SLC9A4: variants seen among roughly 807,000 people sequenced by gnomAD.
The protein encoded by SLC9A4 is solute carrier family 9 member A4.
SLC9A4 carries 63 observed loss-of-function variants against 67.4 expected under a neutral mutation model. That is an observed-to-expected ratio of 0.93 (90% CI 0.76 to 1.15). The LOEUF (loss-of-function observed/expected upper bound fraction) is 1.15, where lower values mean the gene tolerates loss of function less well. Ranked by LOEUF, SLC9A4 falls within the 50% of genes most tolerant of loss-of-function variation. The probability of loss-of-function intolerance (pLI) is 0.00; values close to 1 mark genes in which losing one functional copy is unlikely to be tolerated. For missense variants in SLC9A4, 1,089 were observed against 987.7 expected (o/e 1.10, Z -1.38); for synonymous variants, 393 against 367.2 (o/e 1.07, Z -0.80).
chr2:102,510,876 A>G (rs73944375), intron 6 of SLC9A4, among the ~76,000 whole-genome samples: 1,766 of 152,346 alleles, frequency 0.012, 38 homozygotes, highest in African/African-American at 0.039. Flanking sequence ...GTTCAGCACA[A>G]CATTGAAGGG....
chr2:102,519,219 G>C (rs539990145), intron 8 of SLC9A4, among the ~76,000 whole-genome samples: 1 of 152,164 alleles, frequency 6.6e-6, no homozygotes, highest in African/African-American at 2.4e-5. Context: ...GGCTTTCATG[G>C]TATAAATGGT....
At position 102,508,161 on chromosome 2, in the gene SLC9A4, T is replaced by C. The variant is rs1685087755; in HGVS notation, c.1281T>C (p.Ser427=). The change falls in exon 5 of 12, where the codon AGT becomes AGC. Residue 427 remains serine (S), a synonymous_variant. Transcript: ENST00000295269. ...SIKDQCIIFY[S]GVRGAGSFSL... Reference sequence around the variant, plus strand: ...AGGACCAGTGCATCATTTTCTACAGTGGTGTTCGAGGAGCTGGAAGTTTTT... The same window carrying C: ...AGGACCAGTGCATCATTTTCTACAGCGGTGTTCGAGGAGCTGGAAGTTTTT... 6.2e-7 allele frequency: 1 copy of C among 1,614,186 alleles called. No individual in the cohort carries two copies. Among genetic ancestry groups the C allele is most frequent in the East Asian group, 2.2e-5 (1 of 44,886 alleles).
In SLC9A4 at chr2:102,505,334, T is replaced by C; in HGVS notation, c.1061T>C (p.Phe354Ser). 1 of 1,614,220 alleles carries C rather than the reference T, an allele frequency of 6.2e-7. No homozygotes were observed. The highest frequency in any genetic ancestry group is 1.7e-5 in the Admixed American group (1 of 60,022). Residue 354 changes from phenylalanine to serine, a missense_variant, in exon 4 of 12, where the codon TTC becomes TCC. By Grantham distance (155) the Phe-to-Ser change is radical. Transcript: ENST00000295269. Reference protein sequence around the residue: ...SQTSYTTIKYFMKMLSSVSET... With the variant: ...SQTSYTTIKYSMKMLSSVSET... ...ACATCATACACGACCATCAAGTACTTCATGAAGATGCTGAGCAGCGTCAGC... is the reference window on the plus strand; with the variant it reads ...ACATCATACACGACCATCAAGTACTCCATGAAGATGCTGAGCAGCGTCAGC...
At chr2:102,523,593 TG>T (rs1282913426) in intron 9 of SLC9A4, among the ~76,000 whole-genome samples, 2 of 152,216 alleles carry the variant, frequency 1.3e-5, no homozygotes, top group Non-Finnish European at 2.9e-5. Context: ...TCTCACCCTG[TG>T]GGGCATCTTG....
intron 9 of SLC9A4, among the ~76,000 whole-genome samples, chr2:102,522,302 A>T (rs6750851): frequency 3.9e-5 from 6 of 151,902 alleles, no homozygotes; most frequent in African/African-American, 1.5e-4. Context: ...TCTAGAATGC[A>T]CCGGGCATCA....
chr2:102,473,393 A>G lies in SLC9A4; in HGVS notation c.-367A>G, dbSNP rs185817201. ...ATCCTTTTAAATTTTCACCCACAAG[A>G]CAAAGCCAGTATGCAGTGAAATGAG... is the stretch of plus-strand genomic sequence containing the variant. On this transcript the variant is annotated 5_prime_UTR_variant, in exon 1 of 12. Transcript: ENST00000295269. 2.1e-4 allele frequency: 48 copies of G among 233,770 alleles called. No individual in the cohort carries two copies. The highest frequency in any genetic ancestry group is 3.2e-4 in the Non-Finnish European group (38 of 118,048). The allele number at this position is 233,770 out of a possible 1,614,324, so 14.5% of individuals were successfully genotyped here.
intron 11 of SLC9A4, among the ~76,000 whole-genome samples, chr2:102,531,516 G>A (rs1311772703): frequency 6.6e-6 from 1 of 152,120 alleles, no homozygotes; most frequent in Non-Finnish European, 1.5e-5. Context: ...AGACCTGATG[G>A]TAAGAAGTGG....
At position 102,532,964 on chromosome 2, in the gene SLC9A4, C is replaced by T. The variant is rs532433725; in HGVS notation, c.*276C>T. On this transcript the variant is annotated 3_prime_UTR_variant, in exon 12 of 12. Transcript: ENST00000295269. ...ATTAGTCACTAAGAATTCCTAAGAA[C>T]TTTCTATCAAAAGCATTGGATCCAA... 100 of 307,976 alleles carry T rather than the reference C, an allele frequency of 3.2e-4. 2 individuals are homozygous for T. Among genetic ancestry groups the T allele is most frequent in the Middle Eastern group, 3.0e-3 (3 of 996 alleles). The allele number at this position is 307,976 out of a possible 1,614,324, so 19.1% of individuals were successfully genotyped here. A position where few individuals can be genotyped will look rare whatever the true frequency, so the allele number is the denominator to read the frequency against.
At chr2:102,529,862 C>G (rs781115167) in intron 11 of SLC9A4, among the ~76,000 whole-genome samples, 1 of 152,162 alleles carries the variant, frequency 6.6e-6, no homozygotes, top group South Asian at 2.1e-4. Context: ...ACTTCACATG[C>G]TTTTCCAGGG....
Position 102,525,108 on chromosome 2 carries a change from T to A in SLC9A4, c.1903T>A (p.Leu635Ile). The A allele has an allele frequency of 2.5e-6, 4 of 1,614,036 alleles. No homozygotes were observed. The highest frequency in any genetic ancestry group is 3.4e-6 in the Non-Finnish European group (4 of 1,179,986). ...KEILIRRQNT[L>I]RESMRKGHSL... ...GATTCTGATCCGCCGCCAGAACACC[T>A]TAAGGGAGAGCATGAGGAAAGGTCA... Residue 635 changes from leucine (L) to isoleucine (I), a missense_variant, in exon 10 of 12, where the codon TTA becomes ATA. Transcript: ENST00000295269.
intron 8 of SLC9A4, among the ~76,000 whole-genome samples, chr2:102,518,937 T>C (rs1558671426): frequency 6.6e-6 from 1 of 152,020 alleles, no homozygotes; most frequent in Admixed American, 6.6e-5. Flanking sequence ...AAAAAGGGAG[T>C]TAATTATTTT....
intron 8 of SLC9A4, among the ~76,000 whole-genome samples, chr2:102,515,432 A>G: frequency 6.7e-6 from 1 of 148,748 alleles, no homozygotes; most frequent in East Asian, 2.0e-4. Flanking sequence ...TCTCAGTATA[A>G]TACAAAGCTT....
In SLC9A4 at chr2:102,473,984, C is replaced by T; in HGVS notation, c.225C>T (p.Leu75=). Residue 75 remains leucine (L), a synonymous_variant, in exon 1 of 12, where the codon CTC becomes CTT. Transcript: ENST00000295269. ...TGCAAATTCCTTATGAGGTCACTCT[C>T]TGGATACTTCTAGCATCCCTTGCAA... ...DYVQIPYEVT[L]WILLASLAKI... 6.2e-7 allele frequency: 1 copy of T among 1,613,996 alleles called. No individual in the cohort carries two copies. Among genetic ancestry groups the T allele is most frequent in the East Asian group, 2.2e-5 (1 of 44,882 alleles).
intron 7 of SLC9A4, among the ~76,000 whole-genome samples, 199 bp downstream of exon 7, chr2:102,512,472 A>T (rs6752045): frequency 0.013 from 1,969 of 152,288 alleles, 48 homozygotes; most frequent in African/African-American, 0.044. Context: ...GACGCAGTTG[A>T]CTTGGTGTAG....
In SLC9A4 at chr2:102,532,617, A is replaced by T; in HGVS notation, c.2326A>T (p.Arg776Trp). Residue 776 changes from arginine (R) to tryptophan (W), a missense_variant, in exon 12 of 12, where the codon AGG becomes TGG. Coordinates refer to ENST00000295269, the MANE Select transcript of SLC9A4 (RefSeq NM_001011552.4). ...GKASLVEVRS[R>W]WTADHGHGRD... Reference sequence around the variant, plus strand: ...GGCCTCTTTGGTTGAGGTTCGGTCGAGGTGGACAGCTGACCATGGACACGG... The same window carrying T: ...GGCCTCTTTGGTTGAGGTTCGGTCGTGGTGGACAGCTGACCATGGACACGG... 6.2e-7 allele frequency: 1 copy of T among 1,614,058 alleles called. No homozygotes were observed. Among genetic ancestry groups the T allele is most frequent in the Non-Finnish European group, 8.5e-7 (1 of 1,179,990 alleles).
At chr2:102,480,698 C>T (rs964293306) in intron 2 of SLC9A4, among the ~76,000 whole-genome samples, 3 of 152,148 alleles carry the variant, frequency 2.0e-5, no homozygotes, top group Non-Finnish European at 4.4e-5. Flanking sequence ...GTACATTTAA[C>T]AATTTAAAAT....
At chr2:102,498,278 T>G (rs1160513178) in intron 2 of SLC9A4, among the ~76,000 whole-genome samples, 1 of 152,246 alleles carries the variant, frequency 6.6e-6, no homozygotes, top group Non-Finnish European at 1.5e-5. Context: ...TGATTGTAAA[T>G]GCAGTCTTCT....
intron 2 of SLC9A4, among the ~76,000 whole-genome samples, chr2:102,481,988 C>T (rs921138375): frequency 1.2e-4 from 19 of 152,036 alleles, no homozygotes; most frequent in African/African-American, 3.6e-4. Flanking sequence ...ATTTCCTAAG[C>T]GAAGGAGGCC....
intron 7 of SLC9A4, 37 bp from the exon 8 acceptor site, chr2:102,514,053 C>T (rs766853899): frequency 2.5e-6 from 4 of 1,601,408 alleles, no homozygotes; most frequent in South Asian, 1.1e-5. Flanking sequence ...CACATACAGA[C>T]GTTCAAGATT....
Sources: allele counts gnomAD v4.1 joint callset (sites outside exome capture counted in the v4.1 genomes callset), GRCh38; gene constraint gnomAD v4.1.1; transcripts MANE v1.5; gene names NCBI Gene and HGNC (gene_info 2026-07-23, HGNC 2026-07-21).